LRP1B: variants seen among roughly 807,000 people sequenced by gnomAD.
LRP1B encodes LDL receptor related protein 1B, also known as low-density lipoprotein receptor-related protein 1B.
Under a neutral mutation model 556.6 loss-of-function variants are expected in LRP1B, and 217 were observed. The observed-to-expected ratio is 0.39, with a 90% CI of 0.35 to 0.44. The LOEUF is 0.44. LRP1B is among the 20% of genes least tolerant of loss of function. The pLI, the probability that LRP1B is intolerant of heterozygous loss-of-function variation, is 1.00. For synonymous variants in LRP1B, 2,047 were observed against 1,865.8 expected, an observed-to-expected ratio of 1.10 and a Z score of -2.50; for missense variants, 5,053 against 5,620.8, an observed-to-expected ratio of 0.90 and a Z score of 3.23.
chr2:141,811,532 C>T (rs1696358477), intron 1 of LRP1B, among the ~76,000 whole-genome samples: 1 of 152,050 alleles, frequency 6.6e-6, no homozygotes, highest in East Asian at 1.9e-4. Flanking sequence ...CTTCCCTCCG[C>T]CTGATACCAG....
chr2:141,979,009 A>G (rs1300834391), intron 1 of LRP1B, among the ~76,000 whole-genome samples: 1 of 151,974 alleles, frequency 6.6e-6, no homozygotes, highest in Non-Finnish European at 1.5e-5. Context: ...TGGCAAACCA[A>G]TGGTCTATAG....
intron 41 of LRP1B, among the ~76,000 whole-genome samples, chr2:140,644,442 T>C (rs1318854081): frequency 1.3e-5 from 2 of 149,020 alleles, no homozygotes; most frequent in Non-Finnish European, 3.0e-5. Context: ...CTCTGTCACC[T>C]AGGCCAGAGG....
At chr2:140,301,659 C>T (rs1480322040) in intron 83 of LRP1B, among the ~76,000 whole-genome samples, 1 of 151,762 alleles carries the variant, frequency 6.6e-6, no homozygotes, top group South Asian at 2.1e-4. Flanking sequence ...GGCCAGAATG[C>T]TCAATGTGAA....
rs771002446 is a variant in LRP1B at position 141,573,535 on chromosome 2, C to A, written c.206-93002G>T. ...CACCCTAACATCACAATTAAAGGAG[C>A]AAGAGAAGTAAGAACAAGCTAATCC... is the stretch of plus-strand genomic sequence containing the variant. On this transcript the variant is annotated intron_variant, in intron 2 of 90. Transcript: ENST00000389484. 1.4e-5 allele frequency among the ~76,000 whole-genome samples: 2 copies of A among 146,854 alleles called. 1 individual carries two copies. Among genetic ancestry groups the A allele is most frequent in the East Asian group, 4.0e-4 (2 of 5,000 alleles).
intron 31 of LRP1B, among the ~76,000 whole-genome samples, chr2:140,820,770 C>A (rs918900469): frequency 6.6e-6 from 1 of 152,008 alleles, no homozygotes. Flanking sequence ...CAACACAATG[C>A]TAAATATTTC....
intron 41 of LRP1B, among the ~76,000 whole-genome samples, chr2:140,677,752 T>G (rs1254310085): frequency 6.6e-6 from 1 of 151,880 alleles, no homozygotes; most frequent in Non-Finnish European, 1.5e-5. Flanking sequence ...GGCAGGCACC[T>G]GTAATCCCAG....
At chr2:140,324,454 G>C (rs1680342565) in intron 80 of LRP1B, among the ~76,000 whole-genome samples, 1 of 151,984 alleles carries the variant, frequency 6.6e-6, no homozygotes, top group South Asian at 2.1e-4. Flanking sequence ...TCAAATAAAT[G>C]ATCAAATTAC....
At chr2:141,872,402 TTAAA>T (rs1445162314) in intron 1 of LRP1B, among the ~76,000 whole-genome samples, 1 of 151,884 alleles carries the variant, frequency 6.6e-6, no homozygotes, top group Non-Finnish European at 1.5e-5. Context: ...CAGATTTGAC[TTAAA>T]TAATAATAAA....
At chr2:141,594,746 G>T (rs1489966416) in intron 2 of LRP1B, among the ~76,000 whole-genome samples, 1 of 151,886 alleles carries the variant, frequency 6.6e-6, no homozygotes, top group African/African-American at 2.4e-5. Context: ...ATTTTCCTTG[G>T]ATATAAGCCA....
chr2:141,345,632 A>T (rs1302569865), intron 3 of LRP1B, among the ~76,000 whole-genome samples: 1 of 149,558 alleles, frequency 6.7e-6, no homozygotes, highest in Non-Finnish European at 1.5e-5. Context: ...TAGGACTACG[A>T]GTGTGTGCCA....
At chr2:141,789,269 C>T (rs186195499) in intron 2 of LRP1B, among the ~76,000 whole-genome samples, 41 of 152,056 alleles carry the variant, frequency 2.7e-4, no homozygotes, top group East Asian at 1.7e-3. Flanking sequence ...CTAATACTTA[C>T]AGCATTGTTA....
chr2:141,512,826 C>T (rs2105155739), intron 2 of LRP1B, among the ~76,000 whole-genome samples: 1 of 152,030 alleles, frequency 6.6e-6, no homozygotes, highest in East Asian at 1.9e-4. Flanking sequence ...CAAAAGTAGA[C>T]CTGGCTGAAT....
intron 54 of LRP1B, among the ~76,000 whole-genome samples, chr2:140,502,568 C>T (rs576871113): frequency 1.3e-5 from 2 of 151,964 alleles, no homozygotes; most frequent in African/African-American, 2.4e-5. Flanking sequence ...AAATGATATG[C>T]AATGTTTCAT....
intron 1 of LRP1B, among the ~76,000 whole-genome samples, chr2:141,858,845 G>A (rs566416459): frequency 6.6e-6 from 1 of 152,188 alleles, no homozygotes; most frequent in East Asian, 1.9e-4. Flanking sequence ...TTCTTAAGAT[G>A]ACATAACTGT....
intron 1 of LRP1B, among the ~76,000 whole-genome samples, chr2:142,127,310 T>C (rs915076588): frequency 1.1e-4 from 17 of 151,876 alleles, no homozygotes; most frequent in African/African-American, 3.6e-4. Context: ...AATTATTTTG[T>C]CTAAAGATAT....
chr2:141,889,626 T>A (rs1558942200), intron 1 of LRP1B, among the ~76,000 whole-genome samples: 1 of 152,162 alleles, frequency 6.6e-6, no homozygotes, highest in Non-Finnish European at 1.5e-5. Flanking sequence ...AATATCGTCT[T>A]ATCTCCAGGG....
At chr2:142,049,696 C>A (rs571864882) in intron 1 of LRP1B, among the ~76,000 whole-genome samples, 5 of 152,180 alleles carry the variant, frequency 3.3e-5, no homozygotes, top group Non-Finnish European at 5.9e-5. Context: ...TCTCTGCCTA[C>A]CCATTCAATT....
intron 41 of LRP1B, among the ~76,000 whole-genome samples, chr2:140,660,933 T>A (rs572076575): frequency 6.6e-6 from 1 of 151,820 alleles, no homozygotes; most frequent in South Asian, 2.1e-4. Context: ...GATAAATGTA[T>A]GCTTTTGTCA....
chr2:140,525,933 C>T lies in LRP1B; in HGVS notation c.7937G>A (p.Cys2646Tyr), dbSNP rs2104967722. 6.2e-7 allele frequency: 1 copy of T among 1,612,348 alleles called. No individual in the cohort carries two copies. Among genetic ancestry groups the T allele is most frequent in the Non-Finnish European group, 8.5e-7 (1 of 1,178,890 alleles). ...CAGAACACACAGTGAGGTAGAATTA[C>T]ATCTTATGAACCCTGTGGTTTTCAC... Reference protein sequence around the residue: ...LGVKTTGFIRCNSTSLCVLPT... With the variant: ...LGVKTTGFIRYNSTSLCVLPT... The change falls in exon 49 of 91, where the codon TGT becomes TAT. Residue 2646 changes from cysteine to tyrosine, a missense_variant. Physicochemically the swap from Cys to Tyr is radical, Grantham distance 194. Coordinates refer to ENST00000389484, the MANE Select transcript of LRP1B (RefSeq NM_018557.3).
Sources: allele counts gnomAD v4.1 joint callset (sites outside exome capture counted in the v4.1 genomes callset), GRCh38; gene constraint gnomAD v4.1.1; transcripts MANE v1.5; gene names NCBI Gene and HGNC (gene_info 2026-07-23, HGNC 2026-07-21).